LRRC7: variants seen among roughly 807,000 people sequenced by gnomAD.
The protein encoded by LRRC7 is leucine rich repeat containing 7.
Under a neutral mutation model 175.7 loss-of-function variants are expected in LRRC7, and 23 were observed. That is an observed-to-expected ratio of 0.13 (90% CI 0.09 to 0.19). LRRC7 has a LOEUF of 0.19. LRRC7 is among the 10% of genes least tolerant of loss of function. The pLI, the probability that LRRC7 is intolerant of heterozygous loss-of-function variation, is 1.00. For synonymous variants in LRRC7, 685 were observed against 680.9 expected (o/e 1.01, Z -0.09); for missense variants, 1,354 against 1,904.7 (o/e 0.71, Z 5.38).
chr1:69,645,002 C>T (rs1274188510), intron 1 of LRRC7, among the ~76,000 whole-genome samples: 1 of 151,974 alleles, frequency 6.6e-6, no homozygotes, highest in African/African-American at 2.4e-5. Flanking sequence ...CTACAAAAAT[C>T]TATAGCTAAT....
chr1:69,730,718 C>T (rs1192012422), intron 2 of LRRC7, among the ~76,000 whole-genome samples: 3 of 152,204 alleles, frequency 2.0e-5, no homozygotes, highest in Non-Finnish European at 4.4e-5. Flanking sequence ...ACTGTCCCAA[C>T]CTCTGCCTAT....
intron 1 of LRRC7, among the ~76,000 whole-genome samples, chr1:69,630,487 C>T (rs1162153579): frequency 6.6e-6 from 1 of 152,004 alleles, no homozygotes; most frequent in Non-Finnish European, 1.5e-5. Context: ...CCTATACTTG[C>T]TACCTTTATT....
chr1:69,899,845 C>A (rs902301704), intron 7 of LRRC7, among the ~76,000 whole-genome samples: 1 of 152,130 alleles, frequency 6.6e-6, no homozygotes. Flanking sequence ...GAGTGTACAA[C>A]AAGAAGTCCC....
chr1:69,911,188 C>T (rs567490474), intron 7 of LRRC7, among the ~76,000 whole-genome samples: 90 of 152,248 alleles, frequency 5.9e-4, no homozygotes, highest in Middle Eastern at 3.4e-3. Context: ...GGCTCGCGCA[C>T]GGTGCACTGC....
intron 7 of LRRC7, among the ~76,000 whole-genome samples, chr1:69,848,233 G>T (rs569297547): frequency 6.6e-5 from 10 of 152,030 alleles, no homozygotes; most frequent in Non-Finnish European, 1.5e-4. Context: ...TTCTGTGAGG[G>T]TTTTTTTGTT....
intron 7 of LRRC7, among the ~76,000 whole-genome samples, chr1:69,895,864 T>G (rs1236169330): frequency 6.6e-6 from 1 of 152,218 alleles, no homozygotes; most frequent in Non-Finnish European, 1.5e-5. Flanking sequence ...CTTTCAGATT[T>G]GGGCGATTGC....
intron 1 of LRRC7, among the ~76,000 whole-genome samples, chr1:69,631,307 G>A (rs1652456113): frequency 6.6e-6 from 1 of 151,912 alleles, no homozygotes; most frequent in Non-Finnish European, 1.5e-5. Context: ...TGTTTTACAT[G>A]ATACCATATC....
intron 7 of LRRC7, among the ~76,000 whole-genome samples, chr1:69,879,250 C>G (rs1686356281): frequency 7.4e-6 from 1 of 135,156 alleles, no homozygotes; most frequent in South Asian, 2.2e-4. Context: ...TGCGCACTGG[C>G]CAGAATATGC....
intron 2 of LRRC7, among the ~76,000 whole-genome samples, chr1:69,681,517 TA>T (rs1660489474): frequency 1.3e-5 from 2 of 152,182 alleles, no homozygotes; most frequent in South Asian, 4.1e-4. Flanking sequence ...CTAAGTTATT[TA>T]ATGGGAATTA....
At chr1:69,633,688 C>G (rs759755694) in intron 1 of LRRC7, among the ~76,000 whole-genome samples, 6 of 152,108 alleles carry the variant, frequency 3.9e-5, no homozygotes, top group African/African-American at 9.7e-5. Flanking sequence ...CTCTGCCTCC[C>G]AAAGTGCTGG....
At chr1:69,647,139 T>A (rs993211897) in intron 1 of LRRC7, among the ~76,000 whole-genome samples, 1 of 152,124 alleles carries the variant, frequency 6.6e-6, no homozygotes, top group Non-Finnish European at 1.5e-5. Context: ...CATTTTCAGG[T>A]CTTTTGGTCT....
chr1:69,805,554 A>G (rs1020519310), intron 4 of LRRC7, among the ~76,000 whole-genome samples: 1 of 151,812 alleles, frequency 6.6e-6, no homozygotes, highest in Non-Finnish European at 1.5e-5. Context: ...AACACTGTTA[A>G]TGAGTTATTT....
In LRRC7 at chr1:70,107,800, C is replaced by T. The variant is rs773003374; in HGVS notation, c.4594C>T (p.Leu1532=). The change falls in exon 26 of 27, where the codon CTG becomes TTG. Residue 1532 remains leucine, a synonymous_variant. Transcript: ENST00000651989. ...VQPDGPASNL[L]QPGDKILQAN... The stretch of plus-strand genomic sequence containing the variant: ...GCCTGATGGGCCAGCATCAAACCTA[C>T]TGCAGCCTGGTGATAAGATCCTTCA... 2.2e-5 allele frequency: 35 copies of T among 1,613,092 alleles called. No homozygotes were observed. The South Asian group carries it at 3.8e-4, about 18-fold the overall frequency.
chr1:69,642,131 T>C (rs1654304293), intron 1 of LRRC7, among the ~76,000 whole-genome samples: 1 of 151,986 alleles, frequency 6.6e-6, no homozygotes, highest in Non-Finnish European at 1.5e-5. Context: ...ACAAGGCCTA[T>C]TGCTATTATG....
At position 70,036,311 on chromosome 1, in the gene LRRC7, AC is replaced by A. The variant is rs1490156706; in HGVS notation, c.2107+81del. On this transcript the variant is annotated intron_variant, in intron 19 of 26. Transcript: ENST00000651989. ...AATCGCCAGTTGTAAATTATGATAC[AC>A]CATATTCTATACAAATGTTTTACAA... is the stretch of plus-strand genomic sequence containing the variant. 6.5e-5 allele frequency: 90 copies of A among 1,390,200 alleles called. 1 individual carries two copies. The highest frequency in any genetic ancestry group is 8.7e-5 in the Non-Finnish European group (87 of 998,364). 86.1% of individuals were successfully genotyped at this position (1,390,200 alleles called of 1,614,324 possible).
At chr1:70,069,382 G>A (rs1383829784) in intron 23 of LRRC7, among the ~76,000 whole-genome samples, 1 of 152,140 alleles carries the variant, frequency 6.6e-6, no homozygotes, top group Non-Finnish European at 1.5e-5. Flanking sequence ...GAACAGCGTA[G>A]GAGAAACTGC....
chr1:69,609,242 A>C (rs958100593), intron 1 of LRRC7, among the ~76,000 whole-genome samples: 5 of 151,876 alleles, frequency 3.3e-5, no homozygotes, highest in African/African-American at 1.2e-4. Context: ...ACTATGATAT[A>C]CTCCAGTTAT....
chr1:69,682,439 C>T (rs1557594016), intron 2 of LRRC7, among the ~76,000 whole-genome samples: 1 of 152,110 alleles, frequency 6.6e-6, no homozygotes, highest in African/African-American at 2.4e-5. Flanking sequence ...CTATCATTTG[C>T]TAATCCATCA....
At chr1:69,897,760 T>G (rs535070209) in intron 7 of LRRC7, among the ~76,000 whole-genome samples, 1 of 152,334 alleles carries the variant, frequency 6.6e-6, no homozygotes, top group Admixed American at 6.5e-5. Context: ...TGGATACCAA[T>G]ACATATTCCA....
Sources: gnomAD v4.1 joint callset for allele counts (sites outside exome capture counted in the v4.1 genomes callset) on GRCh38, gnomAD v4.1.1 for gene constraint, MANE v1.5 for transcripts, NCBI Gene and HGNC (gene_info 2026-07-23, HGNC 2026-07-21) for gene names.